Variants in ARHGAP8 observed in about 807,000 individuals in gnomAD.
The protein encoded by ARHGAP8 is Rho GTPase activating protein 8.
Under a neutral mutation model 46.1 loss-of-function variants are expected in ARHGAP8, and 62 were observed. The observed-to-expected ratio is 1.34, with a 90% CI of 1.10 to 1.66. ARHGAP8 has a LOEUF of 1.66. ARHGAP8 is among the 40% of genes most tolerant of loss of function. The pLI, the probability that ARHGAP8 is intolerant of heterozygous loss-of-function variation, is 0.00. For missense variants in ARHGAP8, 923 were observed against 568.4 expected (o/e 1.62, Z -6.34); for synonymous variants, 375 against 243.1 (o/e 1.54, Z -5.05).
intron 3 of ARHGAP8, among the ~76,000 whole-genome samples, chr22:44,807,873 TC>T (rs2147091298): frequency 6.6e-6 from 1 of 152,274 alleles, no homozygotes; most frequent in East Asian, 1.9e-4. Context: ...TACGTGACCT[TC>T]CGCCCTCTGA....
intron 7 of ARHGAP8, among the ~76,000 whole-genome samples, chr22:44,830,606 G>T (rs1439079234): frequency 4.0e-5 from 6 of 150,990 alleles, no homozygotes; most frequent in African/African-American, 1.5e-4. Flanking sequence ...ACACGATCTC[G>T]GCTCACTGCA....
At position 44,862,705 on chromosome 22, in the gene ARHGAP8, A is replaced by T; in HGVS notation, c.*110A>T. 1 of 1,330,358 alleles carries T rather than the reference A, an allele frequency of 7.5e-7. No homozygotes were observed. 82.4% of individuals were successfully genotyped at this position (1,330,358 alleles called of 1,614,324 possible). ...ATAACCAGCCATTAGATGAATTCAG[A>T]ACCTTCTAATGAAAACTCCATGCCT... On this transcript the variant is annotated 3_prime_UTR_variant, in exon 12 of 12. Transcript: ENST00000356099.
At chr22:44,787,012 G>A (rs1927290019) in intron 2 of ARHGAP8, among the ~76,000 whole-genome samples, 1 of 138,430 alleles carries the variant, frequency 7.2e-6, no homozygotes, top group South Asian at 2.4e-4. Context: ...GAGTGACAGA[G>A]TGGTGAGACC....
At chr22:44,754,264 G>A (rs549452875) in intron 1 of ARHGAP8, among the ~76,000 whole-genome samples, 40 of 152,236 alleles carry the variant, frequency 2.6e-4, no homozygotes, top group African/African-American at 7.9e-4. Flanking sequence ...TGTGAGGTAC[G>A]GGTGGAAAAG....
chr22:44,859,709 A>G (rs753016143), intron 10 of ARHGAP8, 22 bp from the exon 11 acceptor site: 2 of 1,611,184 alleles, frequency 1.2e-6, no homozygotes, highest in African/African-American at 2.7e-5. Context: ...GGAGCTCAGC[A>G]GGGAGCCCCA....
rs149696716 is a variant in ARHGAP8, at chr22:44,859,802, G to A, written c.949G>A (p.Val317Ile). 9,230 of 1,614,050 alleles carry A rather than the reference G, an allele frequency of 5.7e-3. 40 individuals are homozygous for A. Among genetic ancestry groups the A allele is most frequent in the Non-Finnish European group, 5.8e-3 (6,851 of 1,180,014 alleles). The change falls in exon 11 of 12, where the codon GTC (valine) becomes ATC (isoleucine). Residue 317 changes from valine (V) to isoleucine (I), a missense_variant. By Grantham distance (29) the Val-to-Ile change is conservative. Coordinates refer to ENST00000356099, the MANE Select transcript of ARHGAP8 (RefSeq NM_181335.3). ...GAGCCTCCCAGAGCACAACTACGTC[G>A]TCCTCCGCTACCTCATGGGCTTCCT... ...LRSLPEHNYV[V>I]LRYLMGFLHA...
At chr22:44,814,839 A>G in intron 5 of ARHGAP8, 81 bp downstream of exon 5, 1 of 1,515,978 alleles carries the variant, frequency 6.6e-7, no homozygotes, top group Non-Finnish European at 9.1e-7. Flanking sequence ...TTCCCTATCC[A>G]CGCATCATGG....
chr22:44,808,526 C>T, intron 4 of ARHGAP8, 88 bp downstream of exon 4: 1 of 1,551,358 alleles, frequency 6.4e-7, no homozygotes, highest in South Asian at 1.2e-5. Context: ...GCAGAGTGTG[C>T]AGTGGGGGAG....
rs60777058 is a variant in ARHGAP8 at position 44,786,325 on chromosome 22, A to G, written c.-71-132A>G. Reference sequence around the variant, plus strand: ...CTGAGGCAGGGCGCGTAGTGGGTGCACGGCTGAGGTAGGGCGCGTAGTGGG... The same window carrying G: ...CTGAGGCAGGGCGCGTAGTGGGTGCGCGGCTGAGGTAGGGCGCGTAGTGGG... On this transcript the variant is annotated intron_variant, in intron 1 of 11. Transcript: ENST00000356099. 13 of 1,048,104 alleles carry G rather than the reference A, an allele frequency of 1.2e-5. 1 individual carries two copies. In the Middle Eastern group the frequency reaches 9.8e-4, roughly 79 times the overall value. 64.9% of individuals were successfully genotyped at this position (1,048,104 alleles called of 1,614,324 possible).
chr22:44,829,466 G>A (rs34242703), intron 7 of ARHGAP8, among the ~76,000 whole-genome samples: 10,567 of 152,192 alleles, frequency 0.069, 786 homozygotes, highest in East Asian at 0.41. Flanking sequence ...CTTTCAGAAC[G>A]TACTGATGCA....
chr22:44,789,309 C>T (rs1212579839), intron 2 of ARHGAP8, among the ~76,000 whole-genome samples: 2 of 152,118 alleles, frequency 1.3e-5, no homozygotes, highest in African/African-American at 2.4e-5. Context: ...CGCCACCAAG[C>T]CCCGATAATT....
At chr22:44,860,643 A>G (rs1266958965) in intron 11 of ARHGAP8, among the ~76,000 whole-genome samples, 1 of 144,984 alleles carries the variant, frequency 6.9e-6, no homozygotes, top group Admixed American at 6.9e-5. Context: ...TCTACTACAC[A>G]CCAGGCTAAG....
Position 44,838,140 on chromosome 22 carries a change from A to ATTTTTT in ARHGAP8, c.597-7120_597-7115dup, listed in dbSNP as rs61131873. On this transcript the variant is annotated intron_variant, in intron 7 of 11. Transcript: ENST00000356099. ...AGGAGTGCGCCACCATGCCTGGCTA[A>ATTTTTT]TTTTTTTTTTTTTTGAAGACGGAGT... is the stretch of plus-strand genomic sequence containing the variant. 7.7e-4 allele frequency among the ~76,000 whole-genome samples: 111 copies of ATTTTTT among 143,534 alleles called. 1 individual carries two copies. Among genetic ancestry groups the ATTTTTT allele is most frequent in the African/African-American group, 2.7e-3 (106 of 38,724 alleles). The allele number at this position is 143,534 out of a possible 152,430, so 94.2% of individuals were successfully genotyped here.
intron 11 of ARHGAP8, among the ~76,000 whole-genome samples, chr22:44,861,893 C>T (rs1341787575): frequency 6.6e-6 from 1 of 152,162 alleles, no homozygotes. Context: ...TGGCTGGTCC[C>T]CATCATGCCC....
At chr22:44,862,186 C>T (rs2070523875) in intron 11 of ARHGAP8, 89 bp from the exon 12 acceptor site, 3 of 1,485,478 alleles carry the variant, frequency 2.0e-6, no homozygotes, top group Non-Finnish European at 1.8e-6. Flanking sequence ...CTCACTACAC[C>T]TACGCCTCTC....
intron 1 of ARHGAP8, among the ~76,000 whole-genome samples, chr22:44,778,791 G>A (rs1016246273): frequency 6.6e-6 from 1 of 152,178 alleles, no homozygotes; most frequent in African/African-American, 2.4e-5. Context: ...TAGCAAAACA[G>A]CAGAAATAAC....
Position 44,798,547 on chromosome 22 carries a change from G to C in ARHGAP8, c.80-3530G>C, listed in dbSNP as rs532671154. On this transcript the variant is annotated intron_variant, in intron 2 of 11. Transcript: ENST00000356099. ...GACTTGCGTTTTTTTTTTTTTTTGG[G>C]TAGGGCTGGGGTACTCTTCCCCCAC... 1.7e-4 allele frequency among the ~76,000 whole-genome samples: 25 copies of C among 143,112 alleles called. No homozygotes were observed. The South Asian group carries it at 5.3e-3, about 30-fold the overall frequency. 93.9% of individuals were successfully genotyped at this position (143,112 alleles called of 152,430 possible).
At chr22:44,862,025 T>G (rs2070513585) in intron 11 of ARHGAP8, among the ~76,000 whole-genome samples, 1 of 152,108 alleles carries the variant, frequency 6.6e-6, no homozygotes, top group Admixed American at 6.6e-5. Flanking sequence ...AGTGGGGGGT[T>G]GAGGCTGTCA....
rs566133332 is a variant in ARHGAP8 at position 44,845,413 on chromosome 22, G to A, written c.670+71G>A. ...TGCACCTCTCTGGGTGGTTTGTCTT[G>A]GATCCTGAGCACCCACAAGCCAGGG... On this transcript the variant is annotated intron_variant, in intron 8 of 11. Coordinates refer to ENST00000356099, the MANE Select transcript of ARHGAP8 (RefSeq NM_181335.3). 1.8e-5 allele frequency: 29 copies of A among 1,603,398 alleles called. No individual in the cohort carries two copies. In the East Asian group the frequency reaches 6.3e-4, roughly 35 times the overall value.
Sources: allele counts gnomAD v4.1 joint callset (sites outside exome capture counted in the v4.1 genomes callset), GRCh38; gene constraint gnomAD v4.1.1; transcripts MANE v1.5; gene names NCBI Gene and HGNC (gene_info 2026-07-23, HGNC 2026-07-21).